Variants in F13B observed in about 807,000 individuals in gnomAD.
The protein encoded by F13B is TGase.
In F13B, 58 loss-of-function variants were observed where a neutral mutation model predicts 79.8. That is an observed-to-expected ratio of 0.73 (90% confidence interval 0.59 to 0.90). The LOEUF is 0.90. F13B is among the 40% of genes least tolerant of loss of function. The pLI is 0.00. For synonymous variants in F13B, 283 were observed against 260.3 expected, an observed-to-expected ratio of 1.09 and a Z score of -0.84; for missense variants, 773 against 777.0, an observed-to-expected ratio of 0.99 and a Z score of 0.06.
At chr1:197,039,432 T>C (rs751748945) in intron 11 of F13B, 21 bp from the exon 12 acceptor site, 6 of 1,605,462 alleles carry the variant, frequency 3.7e-6, no homozygotes, top group Non-Finnish European at 5.1e-6. Flanking sequence ...AAAAGAGAGA[T>C]TTTTGAAATA....
At chr1:197,039,956 T>C (rs1175154505) in intron 11 of F13B, among the ~76,000 whole-genome samples, 2 of 152,190 alleles carry the variant, frequency 1.3e-5, no homozygotes, top group South Asian at 4.1e-4. Flanking sequence ...AGGGTTAAAA[T>C]TGTGATCCTA....
intron 8 of F13B, among the ~76,000 whole-genome samples, chr1:197,053,860 A>ATGT (rs1655540074): frequency 6.6e-6 from 1 of 151,818 alleles, no homozygotes; most frequent in Non-Finnish European, 1.5e-5. Context: ...GTCCCAAGCA[A>ATGT]AGGGAACAAC....
rs1655489880 is a variant in F13B at position 197,052,660 on chromosome 1, A to G, written c.1529T>C (p.Val510Ala). ...ELSVQCNRGE[V>A]KYPLCTRKES... The stretch of plus-strand genomic sequence containing the variant: ...TTTTCTAGTACATAAAGGATATTTC[A>G]CTTCTCCTCTGTTGCACTGCACAGA... Residue 510 changes from valine to alanine, a missense_variant, in exon 9 of 12, where the codon GTG (valine) becomes GCG (alanine). Val to Ala is a moderately conservative substitution (Grantham distance 64). Coordinates refer to ENST00000367412, the MANE Select transcript of F13B (RefSeq NM_001994.3). The G allele has an allele frequency of 6.2e-7, 1 of 1,611,274 alleles. No homozygotes were observed. The highest frequency in any genetic ancestry group is 8.5e-7 in the Non-Finnish European group (1 of 1,178,384).
intron 8 of F13B, among the ~76,000 whole-genome samples, chr1:197,053,760 C>A (rs914944754): frequency 6.6e-6 from 1 of 151,856 alleles, no homozygotes; most frequent in Non-Finnish European, 1.5e-5. Flanking sequence ...TTAGGGTAGG[C>A]CTAAATAAGA....
intron 10 of F13B, among the ~76,000 whole-genome samples, chr1:197,041,806 C>G (rs1386036191): frequency 6.6e-6 from 1 of 152,140 alleles, no homozygotes; most frequent in Non-Finnish European, 1.5e-5. Context: ...GTTTGAGGTG[C>G]AACAACGAAA....
intron 10 of F13B, among the ~76,000 whole-genome samples, chr1:197,045,967 C>CT (rs1332249722): frequency 2.0e-5 from 3 of 152,162 alleles, no homozygotes; most frequent in Middle Eastern, 3.2e-3. Context: ...TTCAACAGCC[C>CT]TTCATGCTAA....
intron 10 of F13B, among the ~76,000 whole-genome samples, chr1:197,041,062 C>T (rs902531608): frequency 6.6e-6 from 1 of 152,114 alleles, no homozygotes; most frequent in Non-Finnish European, 1.5e-5. Flanking sequence ...TGGGGGGAAG[C>T]ATTGACAGTT....
In F13B at chr1:197,061,896, GT is replaced by G; in HGVS notation, c.338del (p.Asn113ThrfsTer60). On this transcript the variant is annotated frameshift_variant, in exon 3 of 12. Transcript: ENST00000367412. LOFTEE classifies it high-confidence loss of function. ...DVKLLYKIQE[N>X]MRYGCASGYK... ...ACCCTGAAGCGCAACCATAACGCATGTTCTCTTGAATTTTATACAATAACTT... is the reference window on the plus strand; with the variant it reads ...ACCCTGAAGCGCAACCATAACGCATGTCTCTTGAATTTTATACAATAACTT... 1 of 1,612,844 alleles carries G rather than the reference GT, an allele frequency of 6.2e-7. No homozygotes were observed. Among genetic ancestry groups the G allele is most frequent in the Non-Finnish European group, 8.5e-7 (1 of 1,179,336 alleles).
rs1655872368 is a variant in F13B, at chr1:197,061,809, A to G, written c.426T>C (p.Ser142=). The G allele has an allele frequency of 6.2e-7, 1 of 1,613,236 alleles. No homozygotes were observed. The highest frequency in any genetic ancestry group is 1.7e-5 in the Admixed American group (1 of 59,904). ...VVQCLSDGWS[S]QPTCRKEHET... ...CATGTTCTTTCCTACAGGTTGGTTGAGAAGACCATCCATCAGAGAGACATT... is the reference window on the plus strand; with the variant it reads ...CATGTTCTTTCCTACAGGTTGGTTGGGAAGACCATCCATCAGAGAGACATT... Residue 142 remains serine, a synonymous_variant, in exon 3 of 12, where the codon TCT becomes TCC. Coordinates refer to ENST00000367412, the MANE Select transcript of F13B (RefSeq NM_001994.3).
At chr1:197,048,698 C>A (rs962319530) in intron 10 of F13B, among the ~76,000 whole-genome samples, 2 of 152,048 alleles carry the variant, frequency 1.3e-5, no homozygotes, top group East Asian at 3.9e-4. Context: ...ACATGCTTCT[C>A]TCCGTGATTG....
intron 9 of F13B, 133 bp downstream of exon 9, chr1:197,052,501 A>G (rs945851987): frequency 1.6e-6 from 1 of 612,206 alleles, no homozygotes; most frequent in Admixed American, 3.2e-5. Context: ...ACTCAAAGTA[A>G]AATAAAATAA....
At position 197,040,743 on chromosome 1, in the gene F13B, C is replaced by A. The variant is rs745562332; in HGVS notation, c.1739-8G>T. ...AAGATAATGTGCATGGCTCTGGGAA[C>A]AACAATTTAAAAAAAAAGAAAGAAA... On this transcript the variant is annotated splice_polypyrimidine_tract_variant and splice_region_variant and intron_variant, in intron 10 of 11. Transcript: ENST00000367412. 1 of 1,579,602 alleles carries A rather than the reference C, an allele frequency of 6.3e-7. No homozygotes were observed. The highest frequency in any genetic ancestry group is 1.1e-5 in the South Asian group (1 of 88,146).
chr1:197,039,413 T>C lies in F13B; in HGVS notation c.1953-2A>G. 1 of 1,609,564 alleles carries C rather than the reference T, an allele frequency of 6.2e-7. No individual in the cohort carries two copies. Among genetic ancestry groups the C allele is most frequent in the Non-Finnish European group, 8.5e-7 (1 of 1,177,264 alleles). ...AAGGGTTCTTGATAAGACAGAGTGC[T>C]TGAGGGGAAAAAGAGAGATTTTTGA... is the stretch of plus-strand genomic sequence containing the variant. On this transcript the variant is annotated splice_acceptor_variant, in intron 11 of 11. Transcript: ENST00000367412. LOFTEE classifies it high-confidence loss of function.
chr1:197,056,300 T>C (rs536604426), intron 7 of F13B, among the ~76,000 whole-genome samples: 13 of 152,150 alleles, frequency 8.5e-5, no homozygotes, highest in Non-Finnish European at 1.5e-4. Context: ...GAAGGAAATA[T>C]CAATTTTTTT....
Position 197,050,838 on chromosome 1 carries a change from C to G in F13B, c.1597G>C (p.Gly533Arg), listed in dbSNP as rs1655415761. Reference sequence around the variant, plus strand: ...TCTACTGTTGAACTAATAATGACTCCATGTTTAATAAGAGGAGGAGATGTG... The same window carrying G: ...TCTACTGTTGAACTAATAATGACTCGATGTTTAATAAGAGGAGGAGATGTG... ...MCTSPPLIKHGVIISSTVDTY... is the reference protein window; with the variant it reads ...MCTSPPLIKHRVIISSTVDTY... The change falls in exon 10 of 12, where the codon GGA (glycine) becomes CGA (arginine). Residue 533 changes from glycine (G) to arginine (R), a missense_variant. By Grantham distance (125) the Gly-to-Arg change is moderately radical. Transcript: ENST00000367412. 1 of 1,613,206 alleles carries G rather than the reference C, an allele frequency of 6.2e-7. No individual in the cohort carries two copies. Among genetic ancestry groups the G allele is most frequent in the East Asian group, 2.2e-5 (1 of 44,830 alleles).
In F13B at chr1:197,063,130, T is replaced by C. The variant is rs538978499; in HGVS notation, c.65-73A>G. On this transcript the variant is annotated intron_variant, in intron 1 of 11. Transcript: ENST00000367412. Reference sequence around the variant, plus strand: ...ACATAAATTTGTAATCAGGTGACAATACAAACTAAAAGTTTTTAGAGACAC... The same window carrying C: ...ACATAAATTTGTAATCAGGTGACAACACAAACTAAAAGTTTTTAGAGACAC... 7 of 1,377,044 alleles carry C rather than the reference T, an allele frequency of 5.1e-6. No homozygotes were observed. The Admixed American group carries it at 8.7e-5, about 17-fold the overall frequency. 85.3% of individuals were successfully genotyped at this position (1,377,044 alleles called of 1,614,324 possible).
rs368354139 is a variant in F13B at position 197,043,834 on chromosome 1, G to A, written c.1739-3099C>T. Among the ~76,000 whole-genome samples the A allele has an allele frequency of 4.6e-4, 70 of 152,146 alleles. No individual in the cohort carries two copies. The South Asian group carries it at 0.014, about 30-fold the overall frequency. ...AAAAAGATGTAATATATGTAATATG[G>A]CATCACAGAAGAGGTGAGAAATGTA... On this transcript the variant is annotated intron_variant, in intron 10 of 11. Transcript: ENST00000367412.
rs1655666855 is a variant in F13B, at chr1:197,057,038, T to C, written c.1146A>G (p.Lys382=). 2.5e-6 allele frequency: 4 copies of C among 1,613,610 alleles called. No homozygotes were observed. The East Asian group carries it at 6.7e-5, about 27-fold the overall frequency. The change falls in exon 7 of 12, where the codon AAA becomes AAG. Residue 382 remains lysine (K), a synonymous_variant. Transcript: ENST00000367412. ...CAACACACTCAGGAGGAAGTGTCCA[T>C]TTTCCACGATTACAAGTTATCTCAT... ...GSNEITCNRG[K]WTLPPECVEN... is the part of the protein sequence containing the mutation.
chr1:197,066,706 G>T (rs1656062718), intron 1 of F13B, among the ~76,000 whole-genome samples: 1 of 152,056 alleles, frequency 6.6e-6, no homozygotes, highest in Admixed American at 6.6e-5. Context: ...AAAAATCAAA[G>T]TCTCAAAAGT....
Sources: gnomAD v4.1 joint callset for allele counts (sites outside exome capture counted in the v4.1 genomes callset) on GRCh38, gnomAD v4.1.1 for gene constraint, MANE v1.5 for transcripts, NCBI Gene and HGNC (gene_info 2026-07-23, HGNC 2026-07-21) for gene names.